The following MCTP1 variants were observed in gnomAD, a reference collection of about 807,000 sequenced individuals.
MCTP1 encodes the protein multiple C2 and transmembrane domain containing 1.
A neutral mutation model predicts 120.6 loss-of-function variants in MCTP1; 69 were observed. The observed-to-expected ratio is 0.57, with a 90% CI of 0.47 to 0.70. MCTP1 has a LOEUF of 0.70. Ranked by LOEUF, MCTP1 falls within the 30% of genes least tolerant of loss-of-function variation. The pLI is 0.00. For synonymous variants in MCTP1, 529 were observed against 493.1 expected, an observed-to-expected ratio of 1.07 and a Z score of -0.96; for missense variants, 1,203 against 1,248.8, an observed-to-expected ratio of 0.96 and a Z score of 0.55.
intron 18 of MCTP1, among the ~76,000 whole-genome samples, chr5:94,785,556 C>T (rs1777493145): frequency 6.6e-6 from 1 of 152,060 alleles, no homozygotes; most frequent in Non-Finnish European, 1.5e-5. Context: ...AAAGCTAACT[C>T]TACTCACCAC....
At chr5:94,949,926 A>G (rs574264898) in intron 3 of MCTP1, among the ~76,000 whole-genome samples, 5 of 152,310 alleles carry the variant, frequency 3.3e-5, no homozygotes, top group Non-Finnish European at 7.4e-5. Flanking sequence ...TGCAATTTTT[A>G]TGAAATTCTA....
chr5:95,026,597 C>T (rs1227854930), intron 1 of MCTP1, among the ~76,000 whole-genome samples: 1 of 152,266 alleles, frequency 6.6e-6, no homozygotes, highest in African/African-American at 2.4e-5. Flanking sequence ...CAATTCCCTC[C>T]ATTTTGTTGC....
At chr5:95,212,926 T>A (rs1446699846) in intron 1 of MCTP1, among the ~76,000 whole-genome samples, 1 of 152,154 alleles carries the variant, frequency 6.6e-6, no homozygotes, top group Non-Finnish European at 1.5e-5. Context: ...GGGCAAAAAC[T>A]GGAAGCATTC....
At chr5:95,261,974 C>T (rs1297340144) in intron 1 of MCTP1, among the ~76,000 whole-genome samples, 3 of 152,200 alleles carry the variant, frequency 2.0e-5, no homozygotes, top group Admixed American at 2.0e-4. Flanking sequence ...GAGGGCTGGG[C>T]CTTTATAGCC....
intron 19 of MCTP1, among the ~76,000 whole-genome samples, chr5:94,733,101 TAG>T (rs1763440015): frequency 6.6e-6 from 1 of 152,206 alleles, no homozygotes; most frequent in Admixed American, 6.5e-5. Context: ...CTAGTTGTGT[TAG>T]AGAGTGTTAA....
intron 1 of MCTP1, among the ~76,000 whole-genome samples, chr5:95,213,184 G>A (rs200234226): frequency 2.7e-4 from 41 of 151,924 alleles, no homozygotes; most frequent in Admixed American, 2.6e-3. Context: ...TACAAAATCA[G>A]TGCACAAAAT....
At chr5:94,846,214 C>A (rs1442830535) in intron 17 of MCTP1, among the ~76,000 whole-genome samples, 2 of 152,074 alleles carry the variant, frequency 1.3e-5, no homozygotes, top group African/African-American at 4.8e-5. Context: ...ATGCTCATTG[C>A]AGCACTGTTT....
chr5:95,192,066 T>C (rs984536017), intron 1 of MCTP1, among the ~76,000 whole-genome samples: 1 of 152,042 alleles, frequency 6.6e-6, no homozygotes, highest in African/African-American at 2.4e-5. Flanking sequence ...TTTTTCTCTA[T>C]GGCAAAATTT....
At chr5:94,931,840 A>G (rs1249448760) in intron 6 of MCTP1, 113 bp downstream of exon 6, 18 of 812,476 alleles carry the variant, frequency 2.2e-5, no homozygotes, top group Non-Finnish European at 3.6e-5. Flanking sequence ...AAAAGTAACA[A>G]TTGAATAGTA....
intron 2 of MCTP1, among the ~76,000 whole-genome samples, chr5:95,016,089 C>T (rs1234640895): frequency 1.3e-5 from 2 of 152,108 alleles, no homozygotes; most frequent in Non-Finnish European, 2.9e-5. Context: ...TCCTTAGCTA[C>T]TAAACCAGAC....
At chr5:95,011,462 T>C (rs1025206961) in intron 2 of MCTP1, among the ~76,000 whole-genome samples, 8 of 152,126 alleles carry the variant, frequency 5.3e-5, no homozygotes, top group African/African-American at 1.9e-4. Flanking sequence ...TACCCAAATC[T>C]CATGTTGAAT....
chr5:94,801,596 T>C (rs1781247743), intron 17 of MCTP1, among the ~76,000 whole-genome samples: 1 of 152,240 alleles, frequency 6.6e-6, no homozygotes, highest in Admixed American at 6.5e-5. Flanking sequence ...TCTGGCGTCA[T>C]GGATGGGACT....
chr5:95,122,891 G>A (rs1230128722), intron 1 of MCTP1, among the ~76,000 whole-genome samples: 1 of 152,156 alleles, frequency 6.6e-6, no homozygotes, highest in Non-Finnish European at 1.5e-5. Flanking sequence ...AATAAGCCAG[G>A]CACAGAAAGA....
intron 7 of MCTP1, among the ~76,000 whole-genome samples, chr5:94,920,478 C>T (rs1303449969): frequency 6.6e-6 from 1 of 152,092 alleles, no homozygotes; most frequent in Non-Finnish European, 1.5e-5. Context: ...CGCGGTGGCT[C>T]ACGCCTGTAA....
intron 17 of MCTP1, among the ~76,000 whole-genome samples, chr5:94,851,489 C>A (rs1793688129): frequency 6.6e-6 from 1 of 152,002 alleles, no homozygotes; most frequent in South Asian, 2.1e-4. Context: ...TTTAATATTG[C>A]TATTTATACA....
intron 1 of MCTP1, among the ~76,000 whole-genome samples, chr5:95,276,966 C>A (rs1759901702): frequency 6.6e-6 from 1 of 151,682 alleles, no homozygotes; most frequent in South Asian, 2.1e-4. Flanking sequence ...AACAAACAAA[C>A]AAACAAACAA....
At chr5:94,924,582 A>G (rs1238289089) in intron 6 of MCTP1, among the ~76,000 whole-genome samples, 1 of 152,234 alleles carries the variant, frequency 6.6e-6, no homozygotes, top group Non-Finnish European at 1.5e-5. Flanking sequence ...AGAGTTGGCT[A>G]TTGGACTAAA....
At chr5:95,128,582 T>C (rs1020296151) in intron 1 of MCTP1, among the ~76,000 whole-genome samples, 5 of 152,208 alleles carry the variant, frequency 3.3e-5, no homozygotes, top group African/African-American at 4.8e-5. Flanking sequence ...GGGCCACGTA[T>C]TGTATGATTC....
At chr5:94,982,927 G>A (rs1464692111) in intron 2 of MCTP1, among the ~76,000 whole-genome samples, 2 of 105,502 alleles carry the variant, frequency 1.9e-5, no homozygotes, top group Admixed American at 1.0e-4. Flanking sequence ...GGTCAGGGTG[G>A]ACCTAATTTT....
Sources: gnomAD v4.1 joint callset for allele counts (sites outside exome capture counted in the v4.1 genomes callset) on GRCh38, gnomAD v4.1.1 for gene constraint, MANE v1.5 for transcripts, NCBI Gene and HGNC (gene_info 2026-07-23, HGNC 2026-07-21) for gene names.